ASXL1: variants seen among roughly 807,000 people sequenced by gnomAD.
ASXL1 encodes the protein ASXL transcriptional regulator 1.
In ASXL1, 65 loss-of-function variants were observed where a neutral mutation model predicts 89.1. The ratio of observed to expected loss-of-function variants is 0.73; its 90% CI spans 0.60 to 0.90. The LOEUF is 0.90. ASXL1 is among the 40% of genes least tolerant of loss of function. The pLI is 0.00. For missense variants in ASXL1, 1,786 were observed against 1,942.9 expected, an observed-to-expected ratio of 0.92 and a Z score of 1.52; for synonymous variants, 739 against 746.9, an observed-to-expected ratio of 0.99 and a Z score of 0.17.
At position 32,434,965 on chromosome 20, in the gene ASXL1, TG is replaced by T. The variant is rs1569330634; in HGVS notation, c.2254del (p.Ala752LeufsTer20). ...TAGGAGATGCCTCCCAACTCCCCGT[TG>T]CTCCCACTGGGGACCAGCCATGCCA... is the stretch of plus-strand genomic sequence containing the variant. The part of the protein sequence containing the change: ...GLGDASQLPV[A>X]PTGDQPCQAL... On this transcript the variant is annotated frameshift_variant, in exon 13 of 13. Transcript: ENST00000375687. LOFTEE classifies it low-confidence loss of function (END_TRUNC). 6.2e-7 allele frequency: 1 copy of T among 1,614,160 alleles called. No homozygotes were observed. The highest frequency in any genetic ancestry group is 8.5e-7 in the Non-Finnish European group (1 of 1,180,022).
chr20:32,396,406 GGCTT>G (rs1174760839), intron 4 of ASXL1, among the ~76,000 whole-genome samples: 2 of 152,214 alleles, frequency 1.3e-5, no homozygotes, highest in Non-Finnish European at 2.9e-5. Flanking sequence ...ATTCTTTTGA[GGCTT>G]GCTTTTTAGC....
At chr20:32,426,752 G>GT (rs1297840649) in intron 4 of ASXL1, among the ~76,000 whole-genome samples, 2 of 151,548 alleles carry the variant, frequency 1.3e-5, no homozygotes, top group Non-Finnish European at 2.9e-5. Flanking sequence ...TAGAAACAGG[G>GT]TTTCACCGTG....
chr20:32,425,861 C>T (rs192344837), intron 4 of ASXL1, among the ~76,000 whole-genome samples: 44 of 152,220 alleles, frequency 2.9e-4, no homozygotes, highest in Admixed American at 1.3e-3. Context: ...TGCGCCACCA[C>T]GCCCAGCTAA....
intron 4 of ASXL1, among the ~76,000 whole-genome samples, chr20:32,379,595 G>A (rs1470299263): frequency 2.0e-5 from 3 of 151,812 alleles, no homozygotes; most frequent in South Asian, 2.1e-4. Flanking sequence ...GGAGGCTGAG[G>A]TGTGTGGATC....
chr20:32,365,211 A>G (rs2048185695), intron 1 of ASXL1, among the ~76,000 whole-genome samples: 2 of 152,206 alleles, frequency 1.3e-5, no homozygotes, highest in Non-Finnish European at 2.9e-5. Flanking sequence ...AGCTAGAGGT[A>G]GAGATTAGGT....
chr20:32,424,250 C>CTAA (rs1166375047), intron 4 of ASXL1, among the ~76,000 whole-genome samples: 5 of 152,032 alleles, frequency 3.3e-5, no homozygotes. Context: ...ACTCTACCAC[C>CTAA]TAGGCTAGGT....
At chr20:32,363,746 G>A (rs1276119232) in intron 1 of ASXL1, among the ~76,000 whole-genome samples, 1 of 152,204 alleles carries the variant, frequency 6.6e-6, no homozygotes, top group African/African-American at 2.4e-5. Context: ...CTAGGAGTTA[G>A]GCCAATCACA....
In ASXL1 at chr20:32,437,074, T is replaced by C. The variant is rs1386523067; in HGVS notation, c.4362T>C (p.Phe1454=). The change falls in exon 13 of 13, where the codon TTT becomes TTC. Residue 1454 remains phenylalanine (F), a synonymous_variant. Transcript: ENST00000375687. ...AACTCCAACTGAGTTCCACCAGCTT[T>C]AATTATTCCTCTAGCTCTCCCACCT... ...LSKLQLSSTS[F]NYSSSSPTFP... is the part of the protein sequence containing the mutation. 2 of 1,614,188 alleles carry C rather than the reference T, an allele frequency of 1.2e-6. No individual in the cohort carries two copies.
At chr20:32,415,794 A>G (rs2049128310) in intron 4 of ASXL1, among the ~76,000 whole-genome samples, 1 of 152,142 alleles carries the variant, frequency 6.6e-6, no homozygotes, top group South Asian at 2.1e-4. Flanking sequence ...GTCTTTATGC[A>G]TGTACACTTT....
intron 4 of ASXL1, among the ~76,000 whole-genome samples, chr20:32,392,110 A>G (rs918396817): frequency 2.0e-5 from 3 of 151,230 alleles, no homozygotes; most frequent in African/African-American, 7.3e-5. Flanking sequence ...CCATCTAGCT[A>G]TTTGTTATTT....
At chr20:32,362,011 G>C (rs79973593) in intron 1 of ASXL1, among the ~76,000 whole-genome samples, 1 of 152,292 alleles carries the variant, frequency 6.6e-6, no homozygotes, top group Admixed American at 6.5e-5. Flanking sequence ...GGAGGTTGCA[G>C]TGAACCCAGA....
chr20:32,384,122 T>C (rs2048535162), intron 4 of ASXL1, among the ~76,000 whole-genome samples: 1 of 152,052 alleles, frequency 6.6e-6, no homozygotes, highest in South Asian at 2.1e-4. Flanking sequence ...TTCCACTGTG[T>C]ACTATAGGAG....
chr20:32,364,872 A>T (rs2048180361), intron 1 of ASXL1, among the ~76,000 whole-genome samples: 1 of 152,232 alleles, frequency 6.6e-6, no homozygotes, highest in South Asian at 2.1e-4. Flanking sequence ...ATGAAGGATG[A>T]CAACAGAGTC....
At chr20:32,430,571 G>A in intron 8 of ASXL1, 1 of 235,218 alleles carries the variant, frequency 4.3e-6, no homozygotes, top group South Asian at 1.6e-4. Context: ...CCCCATTAGG[G>A]TTATTTGCAA....
chr20:32,436,082 C>T lies in ASXL1; in HGVS notation c.3370C>T (p.Pro1124Ser), dbSNP rs758338148. 6.2e-7 allele frequency: 1 copy of T among 1,614,186 alleles called. No homozygotes were observed. The change falls in exon 13 of 13, where the codon CCA (proline) becomes TCA (serine). Residue 1124 changes from proline to serine, a missense_variant. Transcript: ENST00000375687. ...CTTGCCCCTAGAGAAGGTTCTTCCA[C>T]CAGCCCACGATGACAGCATGTCAGA... The part of the protein sequence containing the change: ...GSLPLEKVLP[P>S]AHDDSMSESP...
At chr20:32,406,603 G>C (rs1282301336) in intron 4 of ASXL1, among the ~76,000 whole-genome samples, 1 of 152,078 alleles carries the variant, frequency 6.6e-6, no homozygotes, top group Non-Finnish European at 1.5e-5. Flanking sequence ...ACTCTTCACT[G>C]TTGCAGCCCT....
chr20:32,434,021 G>A (rs1001470222), intron 12 of ASXL1, 104 bp downstream of exon 12: 2 of 1,491,218 alleles, frequency 1.3e-6, no homozygotes, highest in African/African-American at 2.8e-5. Context: ...AATTATGTGG[G>A]AATGTAGAGC....
chr20:32,425,609 A>G (rs868686682), intron 4 of ASXL1, among the ~76,000 whole-genome samples: 25 of 152,036 alleles, frequency 1.6e-4, no homozygotes, highest in African/African-American at 5.3e-4. Flanking sequence ...ACCCTTTTAT[A>G]TGTTTTGGCT....
chr20:32,396,839 C>T (rs1482283743), intron 4 of ASXL1, among the ~76,000 whole-genome samples: 1 of 152,122 alleles, frequency 6.6e-6, no homozygotes, highest in Admixed American at 6.6e-5. Context: ...ATACTGCTTA[C>T]TAAGTTAGCA....
Sources: gnomAD v4.1 joint callset for allele counts (sites outside exome capture counted in the v4.1 genomes callset) on GRCh38, gnomAD v4.1.1 for gene constraint, MANE v1.5 for transcripts, NCBI Gene and HGNC (gene_info 2026-07-23, HGNC 2026-07-21) for gene names.